The following C10orf105 variants were observed in gnomAD, a reference collection of about 807,000 sequenced individuals.
C10orf105 encodes the protein uncharacterized protein C10orf105.
Under a neutral mutation model 0.6 loss-of-function variants are expected in C10orf105, and 2 were observed. That is an observed-to-expected ratio of 3.18 (90% confidence interval 1.30 to 10.01). The LOEUF (loss-of-function observed/expected upper bound fraction) is 10.01, where lower values mean the gene tolerates loss of function less well. Among genes scored for constraint, C10orf105 ranks in the 30% most tolerant of loss-of-function variants. The probability of loss-of-function intolerance (pLI) is 0.04; values close to 1 mark genes in which losing one functional copy is unlikely to be tolerated. For synonymous variants in C10orf105, 95 were observed against 82.4 expected (o/e 1.15, Z -0.83); for missense variants, 209 against 191.4 (o/e 1.09, Z -0.54).
At chr10:71,721,855 C>T (rs1436724175), upstream of C10orf105, among the ~76,000 whole-genome samples, 7 of 152,206 alleles carry the variant, frequency 4.6e-5, no homozygotes, top group Non-Finnish European at 1.0e-4. Context: ...CCCTTCACTC[C>T]AGACTGGGGT....
At chr10:71,725,346 T>TC in intron 1 of C10orf105, 1 of 1,614,008 alleles carries the variant, frequency 6.2e-7, no homozygotes, top group Non-Finnish European at 8.5e-7. Context: ...GGGCCGGTGT[T>TC]CCAGGGGGTC....
At chr10:71,724,156 G>T (rs1331203474), upstream of C10orf105, 24 of 1,539,814 alleles carry the variant, frequency 1.6e-5, no homozygotes, top group Non-Finnish European at 1.2e-5. Context: ...CCAGGGGAGG[G>T]CAGAGCTTCT....
upstream of C10orf105, among the ~76,000 whole-genome samples, chr10:71,722,584 G>A (rs570018762): frequency 4.6e-5 from 7 of 152,344 alleles, no homozygotes; most frequent in Admixed American, 3.3e-4. Context: ...CTTTCTTCCT[G>A]TGGGGATATG....
At chr10:71,732,707 T>G in intron 1 of C10orf105, 2 of 1,279,880 alleles carry the variant, frequency 1.6e-6, no homozygotes, top group Non-Finnish European at 2.0e-6. Flanking sequence ...AGGAGTAAGA[T>G]AAAGTTTATA....
rs1277563734 is a variant in C10orf105 at position 71,716,157 on chromosome 10, G to A, written c.181C>T (p.Pro61Ser). The change falls in exon 2 of 2, where the codon CCG (proline) becomes TCG (serine). Residue 61 changes from proline (P) to serine (S), a missense_variant. Transcript: ENST00000441508. ...TCLLFMTLCK[P>S]AALDPSRRRA... ...CGGCGGCTCGGGTCCAGCGCGGCCG[G>A]CTTGCAGAGCGTCATGAACAGCAGA... The A allele has an allele frequency of 1.9e-6, 3 of 1,550,668 alleles. No individual in the cohort carries two copies. The highest frequency in any genetic ancestry group is 2.6e-6 in the Non-Finnish European group (3 of 1,146,744).
upstream of C10orf105, among the ~76,000 whole-genome samples, chr10:71,720,345 C>CT (rs1303569980): frequency 6.6e-6 from 1 of 152,026 alleles, no homozygotes; most frequent in Non-Finnish European, 1.5e-5. Context: ...AAGCATAGGA[C>CT]TGACGGACCT....
intron 1 of C10orf105, among the ~76,000 whole-genome samples, chr10:71,718,920 G>GT (rs1364371995): frequency 6.6e-6 from 1 of 151,812 alleles, no homozygotes; most frequent in Non-Finnish European, 1.5e-5. Context: ...AAAAAAAAAG[G>GT]TTTTTTAATT....
At chr10:71,724,027 T>G, upstream of C10orf105, 1 of 1,554,536 alleles carries the variant, frequency 6.4e-7, no homozygotes. Flanking sequence ...AAGTAACTCG[T>G]GTCTCATTCT....
chr10:71,723,818 GCTGGTC>G (rs1866679732), upstream of C10orf105, among the ~76,000 whole-genome samples: 1 of 152,206 alleles, frequency 6.6e-6, no homozygotes, highest in Non-Finnish European at 1.5e-5. Flanking sequence ...TCGGGGCAGA[GCTGGTC>G]CTGGACAGGG....
intron 1 of C10orf105, chr10:71,732,412 A>T: frequency 6.4e-7 from 1 of 1,551,426 alleles, no homozygotes. Context: ...ATTTCTTCCA[A>T]TCTAACCAAC....
At position 71,712,770 on chromosome 10, in the gene C10orf105, C is replaced by A; in HGVS notation, c.*3166G>T. ...ATCTTTCTGCAGAGCAGCTATGAGG[C>A]CAGCGTCCCTGAGGACATCCCTGAA... On this transcript the variant is annotated 3_prime_UTR_variant, in exon 2 of 2. Transcript: ENST00000441508. 6.2e-7 allele frequency: 1 copy of A among 1,613,224 alleles called. No homozygotes were observed. Among genetic ancestry groups the A allele is most frequent in the South Asian group, 1.1e-5 (1 of 90,914 alleles).
chr10:71,734,926 A>T (rs1221351978), intron 1 of C10orf105, among the ~76,000 whole-genome samples: 1 of 152,234 alleles, frequency 6.6e-6, no homozygotes, highest in Non-Finnish European at 1.5e-5. Flanking sequence ...AGTCACTGGA[A>T]GACCACTGAG....
intron 1 of C10orf105, among the ~76,000 whole-genome samples, chr10:71,730,978 C>T: frequency 6.6e-6 from 1 of 152,232 alleles, no homozygotes; most frequent in Non-Finnish European, 1.5e-5. Flanking sequence ...TCCTCCAGCC[C>T]CTCCACGCCT....
At position 71,712,715 on chromosome 10, in the gene C10orf105, A is replaced by G. The variant is rs1866026665; in HGVS notation, c.*3221T>C. The G allele has an allele frequency of 1.9e-6, 3 of 1,613,744 alleles. No homozygotes were observed. The African/African-American group carries it at 4.0e-5, about 21-fold the overall frequency. ...CACGGGCACAGCCACCGTGTTCGTC[A>G]CTGTCCTGGATGTGAATGACAACCG... On this transcript the variant is annotated 3_prime_UTR_variant, in exon 2 of 2. Coordinates refer to ENST00000441508, the MANE Select transcript of C10orf105 (RefSeq NM_001164375.3).
intron 1 of C10orf105, chr10:71,734,200 T>C: frequency 6.6e-7 from 1 of 1,517,168 alleles, no homozygotes; most frequent in Non-Finnish European, 9.0e-7. Context: ...TTAACAAGGG[T>C]GCGATGTTGT....
rs116014408 is a variant in C10orf105, at chr10:71,734,992, G to A, written c.-6+2736C>T. On this transcript the variant is annotated intron_variant, in intron 1 of 1. Transcript: ENST00000398786. ...GTGTGACACAGGCAAGCTGCTTAAC[G>A]TCTCTGTGCTTCCCTTCCTCGGGTC... Among the ~76,000 whole-genome samples, 2,076 of 152,330 alleles carry A rather than the reference G, an allele frequency of 0.014. 50 individuals carry two copies. Among genetic ancestry groups the A allele is most frequent in the African/African-American group, 0.048 (1,998 of 41,578 alleles).
intron 1 of C10orf105, among the ~76,000 whole-genome samples, chr10:71,731,441 C>G (rs1036326589): frequency 6.6e-6 from 1 of 152,188 alleles, no homozygotes; most frequent in African/African-American, 2.4e-5. Context: ...GGCTGTGGCC[C>G]CTTGAGGTCT....
chr10:71,734,663 G>A (rs778204366), intron 1 of C10orf105: 1 of 1,443,976 alleles, frequency 6.9e-7, no homozygotes, highest in Admixed American at 1.8e-5. Flanking sequence ...CAGAAGGTGA[G>A]TAGCCTGTGG....
intron 1 of C10orf105, among the ~76,000 whole-genome samples, chr10:71,733,531 TC>T (rs1839459922): frequency 6.6e-6 from 1 of 151,892 alleles, no homozygotes; most frequent in African/African-American, 2.4e-5. Context: ...AACAAAAGAC[TC>T]CTATCACCTA....
Sources: gnomAD v4.1 joint callset for allele counts (sites outside exome capture counted in the v4.1 genomes callset) on GRCh38, gnomAD v4.1.1 for gene constraint, MANE v1.5 for transcripts, NCBI Gene and HGNC (gene_info 2026-07-23, HGNC 2026-07-21) for gene names.